The following NEK7 variants were observed in gnomAD, a reference collection of about 807,000 sequenced individuals.
NEK7 encodes the protein serine/threonine-protein kinase Nek7.
NEK7 carries 18 observed loss-of-function variants against 44.6 expected under a neutral mutation model. The observed-to-expected ratio is 0.40, with a 90% CI of 0.28 to 0.60. The LOEUF is 0.60. Ranked by LOEUF, NEK7 falls within the 20% of genes least tolerant of loss-of-function variation. The pLI is 0.38. For missense variants in NEK7, 256 were observed against 366.5 expected, an observed-to-expected ratio of 0.70 and a Z score of 2.46; for synonymous variants, 130 against 121.1, an observed-to-expected ratio of 1.07 and a Z score of -0.48.
At chr1:198,294,269 T>C (rs1417959183) in intron 8 of NEK7, among the ~76,000 whole-genome samples, 1 of 151,988 alleles carries the variant, frequency 6.6e-6, no homozygotes, top group African/African-American at 2.4e-5. Flanking sequence ...ACAAAACATG[T>C]TTTTATATGT....
chr1:198,176,748 C>T (rs1317909), intron 1 of NEK7, among the ~76,000 whole-genome samples: 72,004 of 151,680 alleles, frequency 0.47, 18,496 homozygotes, highest in East Asian at 0.9. Flanking sequence ...TGAGGACTTA[C>T]GTAGAGGTAA....
intron 2 of NEK7, among the ~76,000 whole-genome samples, chr1:198,243,188 A>G (rs1666738875): frequency 6.6e-6 from 1 of 152,170 alleles, no homozygotes; most frequent in Non-Finnish European, 1.5e-5. Context: ...TCATCCCTAA[A>G]TTAACCAACC....
intron 1 of NEK7, among the ~76,000 whole-genome samples, chr1:198,170,305 CCAGA>C (rs1165404700): frequency 6.6e-6 from 1 of 151,942 alleles, no homozygotes; most frequent in Non-Finnish European, 1.5e-5. Flanking sequence ...TGTGTGGAGA[CCAGA>C]CAGAGACTAG....
chr1:198,296,845 A>G (rs1654730068), intron 8 of NEK7, among the ~76,000 whole-genome samples: 1 of 151,960 alleles, frequency 6.6e-6, no homozygotes, highest in African/African-American at 2.4e-5. Flanking sequence ...ATTATGTGTT[A>G]TTTTTCTTTA....
At chr1:198,287,205 G>A (rs1654398464) in intron 7 of NEK7, among the ~76,000 whole-genome samples, 2 of 152,144 alleles carry the variant, frequency 1.3e-5, no homozygotes, top group Admixed American at 1.3e-4. Flanking sequence ...TTCTAGGCTG[G>A]GTGCGGTGGC....
At chr1:198,319,286 G>A in intron 9 of NEK7, 126 bp from the exon 10 acceptor site, 1 of 607,248 alleles carries the variant, frequency 1.6e-6, no homozygotes, top group South Asian at 2.1e-5. Flanking sequence ...TTCTAGTACA[G>A]TGAATGTTTA....
Position 198,319,544 on chromosome 1 carries a change from G to A in NEK7, c.*22G>A. 6.3e-7 allele frequency: 1 copy of A among 1,579,038 alleles called. No individual in the cohort carries two copies. The highest frequency in any genetic ancestry group is 1.2e-5 in the South Asian group (1 of 85,850). Reference sequence around the variant, plus strand: ...CTAAACATGCAAGATCATGAAGAGTGTAACCAAAGTAATTGAAAGTATTTT... The same window carrying A: ...CTAAACATGCAAGATCATGAAGAGTATAACCAAAGTAATTGAAAGTATTTT... On this transcript the variant is annotated 3_prime_UTR_variant, in exon 10 of 10. Transcript: ENST00000367385.
intron 9 of NEK7, among the ~76,000 whole-genome samples, chr1:198,315,988 G>A (rs1461566894): frequency 6.6e-6 from 1 of 152,012 alleles, no homozygotes; most frequent in Non-Finnish European, 1.5e-5. Context: ...AGAAGGAAGA[G>A]TGAAACAGGA....
chr1:198,297,607 C>T (rs559404232), intron 9 of NEK7, among the ~76,000 whole-genome samples: 7 of 152,330 alleles, frequency 4.6e-5, no homozygotes, highest in African/African-American at 1.4e-4. Flanking sequence ...TCCTTATTCT[C>T]ACAGTCCCAG....
intron 1 of NEK7, among the ~76,000 whole-genome samples, chr1:198,213,504 C>T (rs143636115): frequency 1.3e-5 from 2 of 152,274 alleles, no homozygotes; most frequent in Non-Finnish European, 2.9e-5. Context: ...GACAGCCTTC[C>T]TGGAACACTT....
chr1:198,315,150 T>C (rs1571625946), intron 9 of NEK7, among the ~76,000 whole-genome samples: 1 of 152,196 alleles, frequency 6.6e-6, no homozygotes, highest in Non-Finnish European at 1.5e-5. Context: ...GCCGTTTTTT[T>C]AAGCCCGTCG....
At chr1:198,166,437 CTG>C (rs966564454) in intron 1 of NEK7, among the ~76,000 whole-genome samples, 4 of 152,238 alleles carry the variant, frequency 2.6e-5, no homozygotes, top group Admixed American at 2.0e-4. Flanking sequence ...AGCTTCTGAC[CTG>C]TCTTGACCTT....
chr1:198,190,571 A>G (rs1352446131), intron 1 of NEK7, among the ~76,000 whole-genome samples: 1 of 152,076 alleles, frequency 6.6e-6, no homozygotes, highest in African/African-American at 2.4e-5. Context: ...TATTTAGAGG[A>G]TACTCTCTAA....
At chr1:198,234,549 AAAGT>A (rs1666492391) in intron 2 of NEK7, among the ~76,000 whole-genome samples, 1 of 152,182 alleles carries the variant, frequency 6.6e-6, no homozygotes, top group African/African-American at 2.4e-5. Flanking sequence ...AAGAGGAAAA[AAAGT>A]AAGCACTTTC....
intron 3 of NEK7, chr1:198,256,358 G>A (rs748004378): frequency 5.6e-6 from 9 of 1,611,364 alleles, no homozygotes; most frequent in Non-Finnish European, 7.6e-6. Context: ...GGAAAGAAGA[G>A]TGTGTGCGCT....
At chr1:198,266,294 C>A (rs1262981632) in intron 5 of NEK7, among the ~76,000 whole-genome samples, 4 of 152,034 alleles carry the variant, frequency 2.6e-5, no homozygotes, top group Non-Finnish European at 5.9e-5. Context: ...TAAGAGTATG[C>A]ACATTTTAAA....
At chr1:198,242,548 A>C (rs1571564625) in intron 2 of NEK7, among the ~76,000 whole-genome samples, 1 of 131,910 alleles carries the variant, frequency 7.6e-6, no homozygotes, top group African/African-American at 2.9e-5. Context: ...TGCAAGCTCC[A>C]CCTCCCGGGT....
chr1:198,286,830 C>T (rs1041643982), intron 7 of NEK7, among the ~76,000 whole-genome samples: 1 of 152,186 alleles, frequency 6.6e-6, no homozygotes, highest in Non-Finnish European at 1.5e-5. Context: ...TTCCCAGCTT[C>T]TAGAGGCTGC....
intron 1 of NEK7, among the ~76,000 whole-genome samples, chr1:198,215,381 A>G (rs1020412077): frequency 6.6e-6 from 1 of 152,214 alleles, no homozygotes; most frequent in Non-Finnish European, 1.5e-5. Context: ...AGCTTGTCCA[A>G]TCCACATCCC....
Sources: allele counts gnomAD v4.1 joint callset (sites outside exome capture counted in the v4.1 genomes callset), GRCh38; gene constraint gnomAD v4.1.1; transcripts MANE v1.5; gene names NCBI Gene and HGNC (gene_info 2026-07-23, HGNC 2026-07-21).